The following NOP58 variants were observed in gnomAD, a reference collection of about 807,000 sequenced individuals.
NOP58 encodes NOP58 ribonucleoprotein.
A neutral mutation model predicts 71.2 loss-of-function variants in NOP58; 44 were observed. That is an observed-to-expected ratio of 0.62 (90% confidence interval 0.49 to 0.79). The LOEUF is 0.79. Ranked by LOEUF, NOP58 falls within the 30% of genes least tolerant of loss-of-function variation. The probability of loss-of-function intolerance (pLI) is 0.00; values close to 1 mark genes in which losing one functional copy is unlikely to be tolerated. For missense variants in NOP58, 538 were observed against 620.2 expected (o/e 0.87, Z 1.41); for synonymous variants, 228 against 200.3 (o/e 1.14, Z -1.17).
intron 3 of NOP58, among the ~76,000 whole-genome samples, chr2:202,280,135 A>C (rs1280727903): frequency 6.6e-6 from 1 of 152,172 alleles, no homozygotes; most frequent in Non-Finnish European, 1.5e-5. Context: ...ATTATAAGGC[A>C]GTTTTGACAT....
intron 9 of NOP58, among the ~76,000 whole-genome samples, chr2:202,293,624 C>T (rs1003107083): frequency 6.6e-6 from 1 of 152,176 alleles, no homozygotes; most frequent in South Asian, 2.1e-4. Context: ...CTCTGTTGCA[C>T]TGGCTGGAGT....
intron 5 of NOP58, 60 bp from the exon 6 acceptor site, chr2:202,287,600 T>G: frequency 7.5e-7 from 1 of 1,326,438 alleles, no homozygotes; most frequent in Non-Finnish European, 1.1e-6. Context: ...CTTTAAGGTG[T>G]TAATTTAAAT....
At chr2:202,283,126 T>G (rs983638899) in intron 4 of NOP58, among the ~76,000 whole-genome samples, 1 of 152,218 alleles carries the variant, frequency 6.6e-6, no homozygotes, top group Non-Finnish European at 1.5e-5. Flanking sequence ...TGGCGCAGTC[T>G]CACAGCTCAC....
intron 6 of NOP58, among the ~76,000 whole-genome samples, chr2:202,288,319 T>C (rs1688826678): frequency 1.3e-5 from 2 of 150,114 alleles, no homozygotes; most frequent in Non-Finnish European, 1.5e-5. Context: ...ATCCCGTCTC[T>C]ACTAAAAATA....
chr2:202,282,212 A>C, intron 3 of NOP58, 139 bp from the exon 4 acceptor site: 1 of 659,118 alleles, frequency 1.5e-6, no homozygotes, highest in South Asian at 2.1e-5. Flanking sequence ...TATAAAACAT[A>C]TATCATTTCA....
At chr2:202,292,668 G>A in intron 8 of NOP58, 109 bp from the exon 9 acceptor site, 1 of 841,108 alleles carries the variant, frequency 1.2e-6, no homozygotes, top group South Asian at 1.5e-5. Flanking sequence ...CCAGTACCCA[G>A]GGTTGTGTAG....
At chr2:202,277,423 A>C (rs548754761) in intron 2 of NOP58, among the ~76,000 whole-genome samples, 1 of 152,136 alleles carries the variant, frequency 6.6e-6, no homozygotes, top group Admixed American at 6.5e-5. Context: ...GGTTGCAGTG[A>C]GCCGAGATCG....
Position 202,300,267 on chromosome 2 carries a change from C to G in NOP58, c.1302C>G (p.Ser434=). 6.3e-7 allele frequency: 1 copy of G among 1,597,790 alleles called. No homozygotes were observed. Among genetic ancestry groups the G allele is most frequent in the East Asian group, 2.3e-5 (1 of 44,250 alleles). The part of the protein sequence containing the change: ...EVKTYDPSGD[S]TLPTCSKKRK... ...AGACTTACGATCCTTCTGGTGACTC[C>G]ACACTTCCAACCTGTTCTAAAAAAC... The change falls in exon 13 of 15, where the codon TCC becomes TCG. Residue 434 remains serine, a synonymous_variant. Transcript: ENST00000264279.
intron 1 of NOP58, among the ~76,000 whole-genome samples, chr2:202,271,834 C>G (rs899876935): frequency 9.9e-5 from 15 of 152,022 alleles, no homozygotes; most frequent in African/African-American, 3.6e-4. Flanking sequence ...GTCCTAGCTA[C>G]TTGGGAGGCC....
intron 7 of NOP58, among the ~76,000 whole-genome samples, chr2:202,290,720 G>C (rs1260812097): frequency 6.6e-6 from 1 of 152,182 alleles, no homozygotes; most frequent in Non-Finnish European, 1.5e-5. Context: ...AGAGGAACTT[G>C]ATTGTTGATT....
chr2:202,284,728 C>T (rs1398405872), intron 5 of NOP58: 7 of 401,872 alleles, frequency 1.7e-5, no homozygotes, highest in Non-Finnish European at 3.1e-5. Context: ...CTTAAAACCT[C>T]ATCAAAGGAA....
intron 1 of NOP58, among the ~76,000 whole-genome samples, chr2:202,273,188 A>C (rs1168745671): frequency 6.6e-6 from 1 of 152,242 alleles, no homozygotes; most frequent in African/African-American, 2.4e-5. Context: ...AAAATAACAA[A>C]GGAAATGTGA....
intron 5 of NOP58, among the ~76,000 whole-genome samples, chr2:202,285,052 T>C (rs953132917): frequency 6.6e-6 from 1 of 151,736 alleles, no homozygotes; most frequent in Non-Finnish European, 1.5e-5. Flanking sequence ...TTTTGTTTTG[T>C]TTTTTTTGAG....
intron 10 of NOP58, among the ~76,000 whole-genome samples, chr2:202,296,867 G>A (rs1231446858): frequency 6.6e-6 from 1 of 152,050 alleles, no homozygotes; most frequent in Non-Finnish European, 1.5e-5. Context: ...CAGTGTAGCT[G>A]GGACTACAGG....
intron 3 of NOP58, among the ~76,000 whole-genome samples, chr2:202,281,675 T>G (rs1423957352): frequency 2.0e-5 from 3 of 152,192 alleles, no homozygotes; most frequent in Admixed American, 2.0e-4. Flanking sequence ...CCACCATGCC[T>G]GGGTAACCCA....
chr2:202,277,878 C>T, intron 2 of NOP58, 72 bp from the exon 3 acceptor site: 2 of 801,120 alleles, frequency 2.5e-6, no homozygotes, highest in Non-Finnish European at 4.2e-6. Flanking sequence ...GCACTTCTTT[C>T]CAAGTTATGT....
Position 202,302,955 on chromosome 2 carries a change from A to G in NOP58, c.1437A>G (p.Glu479=). 1 of 1,608,326 alleles carries G rather than the reference A, an allele frequency of 6.2e-7. No individual in the cohort carries two copies. The highest frequency in any genetic ancestry group is 1.3e-5 in the African/African-American group (1 of 75,008). ...AGGAAGAAGAAAAAGTGGCAGAAGA[A>G]GAAGAAACATCTGTGAAGAAGAAGA... The part of the protein sequence containing the change: ...EEEEEEKVAE[E]EETSVKKKKK... Residue 479 remains glutamate (E), a synonymous_variant, in exon 14 of 15, where the codon GAA becomes GAG. Transcript: ENST00000264279.
At chr2:202,292,474 TAAAAATACA>T (rs1172805976) in intron 8 of NOP58, among the ~76,000 whole-genome samples, 2 of 151,500 alleles carry the variant, frequency 1.3e-5, no homozygotes, top group African/African-American at 4.8e-5. Context: ...CTGTCTCTAC[TAAAAATACA>T]AAAAATTAGC....
intron 1 of NOP58, among the ~76,000 whole-genome samples, chr2:202,269,072 C>T (rs1688472241): frequency 6.6e-6 from 1 of 152,096 alleles, no homozygotes. Context: ...TCATTGCAGC[C>T]TTGGCCTCCT....
Sources: gnomAD v4.1 joint callset for allele counts (sites outside exome capture counted in the v4.1 genomes callset) on GRCh38, gnomAD v4.1.1 for gene constraint, MANE v1.5 for transcripts, NCBI Gene and HGNC (gene_info 2026-07-23, HGNC 2026-07-21) for gene names.